Variants in TSHZ3 observed in about 807,000 individuals in gnomAD.
The protein encoded by TSHZ3 is teashirt zinc finger homeobox 3.
A neutral mutation model predicts 64.5 loss-of-function variants in TSHZ3; 10 were observed. The ratio of observed to expected loss-of-function variants is 0.16; its 90% CI spans 0.10 to 0.26. The LOEUF (loss-of-function observed/expected upper bound fraction) is 0.26. Ranked by LOEUF, TSHZ3 falls within the 10% of genes least tolerant of loss-of-function variation. TSHZ3 has a pLI of 1.00. For synonymous variants in TSHZ3, 608 were observed against 593.1 expected, an observed-to-expected ratio of 1.03 and a Z score of -0.36; for missense variants, 1,242 against 1,421.7, an observed-to-expected ratio of 0.87 and a Z score of 2.03.
chr19:31,319,772 A>G (rs1284889044), intron 1 of TSHZ3, among the ~76,000 whole-genome samples: 2 of 152,220 alleles, frequency 1.3e-5, no homozygotes, highest in Admixed American at 6.5e-5. Flanking sequence ...AACATCACTG[A>G]AACAAGTTTT....
intron 1 of TSHZ3, among the ~76,000 whole-genome samples, chr19:31,286,075 C>A (rs775683082): frequency 6.6e-6 from 1 of 152,190 alleles, no homozygotes; most frequent in Admixed American, 6.5e-5. Flanking sequence ...TTGAAAGAGT[C>A]TCTCAAGATG....
chr19:31,163,599 C>T lies in TSHZ3; in HGVS notation n.810-7182G>A, dbSNP rs532711026. ...CACAAAAACTATCCAGGCCTGGTCG[C>T]GCTTGCCTGTAATCCAAGACACTTG... On this transcript the variant is annotated intron_variant and non_coding_transcript_variant, in intron 5 of 6. Transcript: ENST00000651361. Among the ~76,000 whole-genome samples, 7 of 152,176 alleles carry T rather than the reference C, an allele frequency of 4.6e-5. No homozygotes were observed. In the South Asian group the frequency reaches 1.0e-3, roughly 23 times the overall value.
intron 4 of TSHZ3, among the ~76,000 whole-genome samples, chr19:31,215,602 G>T (rs1289495711): frequency 1.3e-5 from 2 of 152,200 alleles, no homozygotes; most frequent in African/African-American, 2.4e-5. Context: ...GCTGGGTGTG[G>T]TGGCTCACGC....
intron 3 of TSHZ3, among the ~76,000 whole-genome samples, chr19:31,238,496 T>A (rs907715266): frequency 6.6e-6 from 1 of 152,182 alleles, no homozygotes; most frequent in African/African-American, 2.4e-5. Context: ...CCTCGAGTGA[T>A]CTGCCTACCT....
chr19:31,276,392 A>G lies in TSHZ3; in HGVS notation c.*155T>C. 1.5e-6 allele frequency: 1 copy of G among 677,316 alleles called. No individual in the cohort carries two copies. The highest frequency in any genetic ancestry group is 2.4e-6 in the Non-Finnish European group (1 of 413,022). 42.0% of individuals were successfully genotyped at this position (677,316 alleles called of 1,614,324 possible). A position where few individuals can be genotyped will look rare whatever the true frequency, so the allele number is the denominator to read the frequency against. On this transcript the variant is annotated 3_prime_UTR_variant, in exon 2 of 2. Transcript: ENST00000240587. Reference sequence around the variant, plus strand: ...ACAGCTGATTATGCACCTCTATTAAACACTGTACAGTTATACAAAACAGTC... The same window carrying G: ...ACAGCTGATTATGCACCTCTATTAAGCACTGTACAGTTATACAAAACAGTC...
intron 1 of TSHZ3, among the ~76,000 whole-genome samples, chr19:31,330,863 C>T (rs1917069187): frequency 1.3e-5 from 2 of 152,038 alleles, no homozygotes; most frequent in South Asian, 4.2e-4. Flanking sequence ...GGCCGTACCC[C>T]AGGGCACAGG....
At chr19:31,176,643 A>G (rs930272000) in intron 5 of TSHZ3, among the ~76,000 whole-genome samples, 8 of 152,106 alleles carry the variant, frequency 5.3e-5, no homozygotes, top group African/African-American at 1.9e-4. Context: ...AAAATAAATT[A>G]TCCAGGCATG....
intron 1 of TSHZ3, among the ~76,000 whole-genome samples, chr19:31,333,831 G>T (rs986591734): frequency 6.6e-6 from 1 of 152,084 alleles, no homozygotes; most frequent in Non-Finnish European, 1.5e-5. Flanking sequence ...GTTCCCGCAC[G>T]CACGCTAATA....
intron 5 of TSHZ3, among the ~76,000 whole-genome samples, chr19:31,193,234 T>C (rs1292213868): frequency 6.6e-6 from 1 of 152,196 alleles, no homozygotes; most frequent in Non-Finnish European, 1.5e-5. Flanking sequence ...CTGGCCTCTG[T>C]GGCTCCAGTC....
intron 1 of TSHZ3, among the ~76,000 whole-genome samples, chr19:31,286,108 A>AC (rs1364646958): frequency 1.3e-5 from 2 of 152,104 alleles, no homozygotes; most frequent in Non-Finnish European, 2.9e-5. Context: ...GAATGGCTGC[A>AC]CCCGCTTCCC....
At chr19:31,273,333 C>T (rs896965999), downstream of TSHZ3, among the ~76,000 whole-genome samples, 4 of 152,142 alleles carry the variant, frequency 2.6e-5, no homozygotes, top group Non-Finnish European at 5.9e-5. Flanking sequence ...GCTAAACGCC[C>T]AAGGTGTCAA....
At position 31,277,597 on chromosome 19, in the gene TSHZ3, G is replaced by A; in HGVS notation, c.2196C>T (p.His732=). 6.3e-7 allele frequency: 1 copy of A among 1,592,386 alleles called. No homozygotes were observed. The highest frequency in any genetic ancestry group is 1.1e-5 in the South Asian group (1 of 87,538). Residue 732 remains histidine, a synonymous_variant, in exon 2 of 2, where the codon CAC becomes CAT. Coordinates refer to ENST00000240587, the MANE Select transcript of TSHZ3 (RefSeq NM_020856.4). This position sits in a 1 kb window ranked among gnomAD's most constrained non-coding sequence, Gnocchi z 4.5. ...GGGAGGGCTTGGCGGCCTTGCCCAG[G>A]TGAATGTTCATGACTGACTGCAGGG... is the stretch of plus-strand genomic sequence containing the variant. ...LSALQSVMNI[H]LGKAAKPSLP...
At chr19:31,177,049 G>T (rs1469859777) in intron 5 of TSHZ3, among the ~76,000 whole-genome samples, 1 of 152,160 alleles carries the variant, frequency 6.6e-6, no homozygotes, top group Non-Finnish European at 1.5e-5. Context: ...TGCATATGGG[G>T]CAATGATAGC....
At chr19:31,237,070 A>T (rs1398753879) in intron 3 of TSHZ3, among the ~76,000 whole-genome samples, 1 of 260 alleles carries the variant, frequency 3.8e-3, no homozygotes, top group Non-Finnish European at 8.6e-3. Context: ...AATCGCTTGA[A>T]CCCGGGAGCA....
intron 1 of TSHZ3, among the ~76,000 whole-genome samples, chr19:31,243,677 G>C (rs955390547): frequency 3.9e-5 from 6 of 152,116 alleles, no homozygotes; most frequent in African/African-American, 1.4e-4. Context: ...CGGGGGCTCC[G>C]TGCCTCCCCT....
intron 1 of TSHZ3, among the ~76,000 whole-genome samples, chr19:31,292,139 C>T (rs528577611): frequency 6.6e-6 from 1 of 152,282 alleles, no homozygotes; most frequent in African/African-American, 2.4e-5. Context: ...GAGGTAAATC[C>T]TGGCCTATAT....
At chr19:31,308,917 C>A (rs1255105638) in intron 1 of TSHZ3, among the ~76,000 whole-genome samples, 2 of 152,236 alleles carry the variant, frequency 1.3e-5, no homozygotes, top group Non-Finnish European at 2.9e-5. Flanking sequence ...AGACCAGATT[C>A]CACGCCGCCT....
chr19:31,330,341 G>C (rs533736991), intron 1 of TSHZ3, among the ~76,000 whole-genome samples: 1 of 152,332 alleles, frequency 6.6e-6, no homozygotes, highest in Admixed American at 6.5e-5. Context: ...GCAGTGAGCT[G>C]ACCGGCAGGC....
intron 5 of TSHZ3, among the ~76,000 whole-genome samples, chr19:31,171,186 G>T (rs1428634735): frequency 6.6e-6 from 1 of 152,094 alleles, no homozygotes; most frequent in Non-Finnish European, 1.5e-5. Flanking sequence ...AGCCTTGCCT[G>T]GGTCTCTGAG....
Sources: gnomAD v4.1 joint callset for allele counts (sites outside exome capture counted in the v4.1 genomes callset) on GRCh38, gnomAD v4.1.1 for gene constraint, Gnocchi (gnomAD v3.1) non-coding constraint, MANE v1.5 for transcripts, NCBI Gene and HGNC (gene_info 2026-07-23, HGNC 2026-07-21) for gene names.